The following MCCC1 variants were observed in gnomAD, a reference collection of about 807,000 sequenced individuals.
The protein encoded by MCCC1 is methylcrotonyl-CoA carboxylase subunit 1.
MCCC1 carries 64 observed loss-of-function variants against 83.8 expected under a neutral mutation model. That is an observed-to-expected ratio of 0.76 (90% CI 0.62 to 0.94). The LOEUF is 0.94. MCCC1 is among the 40% of genes least tolerant of loss of function. The pLI is 0.00. For missense variants in MCCC1, 807 were observed against 904.7 expected, an observed-to-expected ratio of 0.89 and a Z score of 1.39; for synonymous variants, 322 against 315.4, an observed-to-expected ratio of 1.02 and a Z score of -0.22.
chr3:183,088,704 C>T (rs1718099301), intron 3 of MCCC1, among the ~76,000 whole-genome samples: 1 of 152,174 alleles, frequency 6.6e-6, no homozygotes, highest in African/African-American at 2.4e-5. Context: ...TATATAAACA[C>T]ATGCAGTTTT....
intron 17 of MCCC1, chr3:183,017,667 A>G (rs1369542168): frequency 1.5e-5 from 5 of 331,826 alleles, no homozygotes; most frequent in Admixed American, 9.0e-5. Context: ...TGGTCAAATC[A>G]GAGGCCTACA....
intron 1 of MCCC1, among the ~76,000 whole-genome samples, chr3:183,108,282 A>G (rs1719438389): frequency 6.6e-6 from 1 of 152,122 alleles, no homozygotes; most frequent in Non-Finnish European, 1.5e-5. Context: ...GTATTTCCTC[A>G]TGATTAGATT....
At chr3:183,065,519 C>G (rs1226968194) in intron 7 of MCCC1, among the ~76,000 whole-genome samples, 1 of 152,096 alleles carries the variant, frequency 6.6e-6, no homozygotes, top group Admixed American at 6.5e-5. Flanking sequence ...GAAATTGAAA[C>G]AATTCTACAT....
rs1712041753 is a variant in MCCC1, at chr3:183,020,257, T to C, written c.1870-20A>G. 1.3e-6 allele frequency: 2 copies of C among 1,566,156 alleles called. No individual in the cohort carries two copies. The highest frequency in any genetic ancestry group is 1.3e-5 in the African/African-American group (1 of 74,076). ...TCCTTCCTAGAAACAGAAAACAAAC[T>C]GAAAACCGAATCAACATCCTATCAC... On this transcript the variant is annotated intron_variant, in intron 16 of 18. Transcript: ENST00000265594.
rs758029555 is a variant in MCCC1 at position 183,105,704 on chromosome 3, G to GA, written c.-102+9769dup. Among the ~76,000 whole-genome samples, 1,250 of 148,614 alleles carry GA rather than the reference G, an allele frequency of 8.4e-3. 17 individuals are homozygous for GA. The highest frequency in any genetic ancestry group is 0.025 in the African/African-American group (993 of 39,768). On this transcript the variant is annotated intron_variant, in intron 1 of 17. Transcript: ENST00000492597. Reference sequence around the variant, plus strand: ...GTCACTAATGGTAAAAAAGAAGAAAGAAAAAAAAAAACTCTTACAAATAGA... The same window carrying GA: ...GTCACTAATGGTAAAAAAGAAGAAAGAAAAAAAAAAAACTCTTACAAATAGA...
intron 4 of MCCC1, among the ~76,000 whole-genome samples, chr3:183,074,776 G>A (rs187838075): frequency 6.2e-4 from 95 of 152,230 alleles, no homozygotes; most frequent in African/African-American, 2.2e-3. Flanking sequence ...TTACACAGGT[G>A]AATACATGTC....
At chr3:183,043,259 C>T (rs1448193253) in intron 10 of MCCC1, among the ~76,000 whole-genome samples, 1 of 152,222 alleles carries the variant, frequency 6.6e-6, no homozygotes, top group African/African-American at 2.4e-5. Flanking sequence ...TGCACTCCAG[C>T]CTGGGCAAAA....
intron 7 of MCCC1, among the ~76,000 whole-genome samples, chr3:183,063,826 T>C (rs1003268918): frequency 6.6e-6 from 1 of 152,218 alleles, no homozygotes; most frequent in Non-Finnish European, 1.5e-5. Flanking sequence ...GAAGGGACGA[T>C]ACTGCGGAGA....
At chr3:183,099,545 A>T, upstream of MCCC1, 2 of 1,353,542 alleles carry the variant, frequency 1.5e-6, no homozygotes, top group East Asian at 5.0e-5. Flanking sequence ...CCCGCCGGCC[A>T]CCGTCGGAGC....
upstream of MCCC1, chr3:183,099,507 C>T: frequency 1.3e-6 from 2 of 1,537,892 alleles, no homozygotes; most frequent in South Asian, 1.2e-5. Flanking sequence ...ACGCCAAACC[C>T]GTTCCTCCAC....
chr3:183,086,786 T>C lies in MCCC1; in HGVS notation c.276A>G (p.Ala92=). The change falls in exon 4 of 19, where the codon GCA becomes GCG. Residue 92 remains alanine, a splice_region_variant and synonymous_variant. Coordinates refer to ENST00000265594, the MANE Select transcript of MCCC1 (RefSeq NM_020166.5). ...ADRNSMHVDM[A]DEAYSIGPAP... ...CGGGGCCGATGGAATATGCTTCATC[T>C]GCCTGTTTAAGAAACATCACATGCT... 1 of 1,613,838 alleles carries C rather than the reference T, an allele frequency of 6.2e-7. No individual in the cohort carries two copies. Among genetic ancestry groups the C allele is most frequent in the Non-Finnish European group, 8.5e-7 (1 of 1,179,836 alleles).
In MCCC1 at chr3:183,033,821, C is replaced by T. The variant is rs148121746; in HGVS notation, c.1681+170G>A. On this transcript the variant is annotated intron_variant, in intron 14 of 18. Transcript: ENST00000265594. ...AGAAAAGCAAATACCATCAACTCTA[C>T]TACCCAGAGCCAATCAATTCTATTA... is the stretch of plus-strand genomic sequence containing the variant. Among the ~76,000 whole-genome samples the T allele has an allele frequency of 2.6e-5, 4 of 152,274 alleles. No homozygotes were observed. In the East Asian group the frequency reaches 7.7e-4, roughly 29 times the overall value.
rs150651036 is a variant in MCCC1, at chr3:183,020,585, T to C, written c.1870-348A>G. 2.6e-3 allele frequency among the ~76,000 whole-genome samples: 390 copies of C among 151,630 alleles called. 1 individual carries two copies. The highest frequency in any genetic ancestry group is 9.3e-3 in the African/African-American group (383 of 41,300). On this transcript the variant is annotated intron_variant, in intron 16 of 18. Transcript: ENST00000265594. ...GGTAGAGGCTGCAGTGAGCTAAGACTGCGCCACTGCACTCCAGCCTGGGTG... is the reference window on the plus strand; with the variant it reads ...GGTAGAGGCTGCAGTGAGCTAAGACCGCGCCACTGCACTCCAGCCTGGGTG...
chr3:183,106,816 G>A (rs997250405), intron 1 of MCCC1, among the ~76,000 whole-genome samples: 1 of 151,808 alleles, frequency 6.6e-6, no homozygotes, highest in Non-Finnish European at 1.5e-5. Flanking sequence ...CTATTTTATC[G>A]CATTTGCTTT....
intron 14 of MCCC1, 81 bp downstream of exon 14, chr3:183,033,910 G>T: frequency 9.1e-7 from 1 of 1,094,132 alleles, no homozygotes; most frequent in Non-Finnish European, 1.4e-6. Context: ...ACTGATCATG[G>T]CCAGGCTGGA....
intron 4 of MCCC1, among the ~76,000 whole-genome samples, chr3:183,073,880 T>G (rs538016285): frequency 6.6e-6 from 1 of 152,304 alleles, no homozygotes; most frequent in South Asian, 2.1e-4. Flanking sequence ...TTAAATAAAA[T>G]AAGGGTGACT....
intron 8 of MCCC1, among the ~76,000 whole-genome samples, chr3:183,054,795 A>G (rs1715285524): frequency 6.6e-6 from 1 of 152,142 alleles, no homozygotes. Context: ...CATTTTAATA[A>G]TCTTTTATAC....
chr3:183,022,586 TAAATG>T (rs1172204057), intron 15 of MCCC1, 32 bp from the exon 16 acceptor site: 1 of 1,537,774 alleles, frequency 6.5e-7, no homozygotes, highest in East Asian at 2.3e-5. Flanking sequence ...ATTTTTAAAA[TAAATG>T]AACAACACTA....
intron 14 of MCCC1, among the ~76,000 whole-genome samples, chr3:183,026,888 G>T (rs1712651080): frequency 1.3e-5 from 2 of 152,076 alleles, no homozygotes; most frequent in South Asian, 4.1e-4. Context: ...TTTAGAAATG[G>T]TAAGACTATA....
Sources: allele counts gnomAD v4.1 joint callset (sites outside exome capture counted in the v4.1 genomes callset), GRCh38; gene constraint gnomAD v4.1.1; transcripts MANE v1.5; gene names NCBI Gene and HGNC (gene_info 2026-07-23, HGNC 2026-07-21).